The following IPCEF1 variants were observed in gnomAD, a reference collection of about 807,000 sequenced individuals.
The protein encoded by IPCEF1 is interactor protein for cytohesin exchange factors 1.
In IPCEF1, 31 loss-of-function variants were observed where a neutral mutation model predicts 50.9. The ratio of observed to expected loss-of-function variants is 0.61; its 90% CI spans 0.46 to 0.82. The LOEUF is 0.82. IPCEF1 is among the 40% of genes least tolerant of loss of function. The pLI, the probability that IPCEF1 is intolerant of heterozygous loss-of-function variation, is 0.00. For missense variants in IPCEF1, 458 were observed against 514.0 expected, an observed-to-expected ratio of 0.89 and a Z score of 1.05; for synonymous variants, 181 against 192.0, an observed-to-expected ratio of 0.94 and a Z score of 0.47.
chr6:154,181,486 A>G (rs1800863167), intron 10 of IPCEF1, among the ~76,000 whole-genome samples: 1 of 152,264 alleles, frequency 6.6e-6, no homozygotes, highest in Non-Finnish European at 1.5e-5. Context: ...TTAAATTTAC[A>G]TAGCTATACT....
chr6:154,321,715 C>T (rs113802842), intron 1 of IPCEF1, among the ~76,000 whole-genome samples: 10,117 of 143,524 alleles, frequency 0.07, 689 homozygotes, highest in East Asian at 0.34. Context: ...GGGAGGCAGA[C>T]GCTGCAGTGA....
Position 154,168,959 on chromosome 6 carries a change from G to A in IPCEF1, c.911-846C>T, listed in dbSNP as rs1025460541. ...TCAACCCATACATAGTCCACCCTCC[G>A]GCCTCCTAAATTCATGTGTTTCTCA... On this transcript the variant is annotated intron_variant, in intron 10 of 11. Transcript: ENST00000367220. This position sits in a 1 kb window ranked among gnomAD's most constrained non-coding sequence, Gnocchi z 4.1. Among the ~76,000 whole-genome samples, 8 of 151,762 alleles carry A rather than the reference G, an allele frequency of 5.3e-5. No individual in the cohort carries two copies. The highest frequency in any genetic ancestry group is 1.9e-4 in the East Asian group (1 of 5,144).
intron 10 of IPCEF1, among the ~76,000 whole-genome samples, chr6:154,178,226 C>T (rs141303813): frequency 0.041 from 6,280 of 152,108 alleles, 429 homozygotes; most frequent in African/African-American, 0.14. Flanking sequence ...CACCATGGCA[C>T]ATGTATACCT....
chr6:154,248,788 T>C (rs1039705718), intron 3 of IPCEF1, among the ~76,000 whole-genome samples: 14 of 152,138 alleles, frequency 9.2e-5, no homozygotes, highest in African/African-American at 2.4e-4. Flanking sequence ...CTATAGGTCT[T>C]ATAAAGATTT....
intron 9 of IPCEF1, among the ~76,000 whole-genome samples, chr6:154,211,143 GCGGTGGCTCA>G (rs1777924210): frequency 6.6e-6 from 1 of 152,132 alleles, no homozygotes. Flanking sequence ...CTGGCTGGGT[GCGGTGGCTCA>G]CGCTTGTAAT....
At chr6:154,256,878 T>A (rs1781474848) in intron 3 of IPCEF1, among the ~76,000 whole-genome samples, 1 of 152,214 alleles carries the variant, frequency 6.6e-6, no homozygotes, top group South Asian at 2.1e-4. Flanking sequence ...CATGGTATGA[T>A]ACCTTCACAT....
At chr6:154,355,787 C>A (rs1438600383) in intron 1 of IPCEF1, among the ~76,000 whole-genome samples, 2 of 151,798 alleles carry the variant, frequency 1.3e-5, no homozygotes, top group East Asian at 3.9e-4. Flanking sequence ...CCGCACCCGG[C>A]ATTCTATTTT....
intron 1 of IPCEF1, among the ~76,000 whole-genome samples, chr6:154,293,569 G>A (rs978935093): frequency 2.6e-5 from 4 of 152,190 alleles, no homozygotes; most frequent in Non-Finnish European, 5.9e-5. Flanking sequence ...TGAATAATGA[G>A]TGTGATATTA....
At chr6:154,222,589 T>C (rs1169313495) in intron 6 of IPCEF1, among the ~76,000 whole-genome samples, 1 of 152,124 alleles carries the variant, frequency 6.6e-6, no homozygotes, top group African/African-American at 2.4e-5. Context: ...GCTCATGAGA[T>C]CTAAGCAGGT....
intron 1 of IPCEF1, among the ~76,000 whole-genome samples, chr6:154,294,581 A>C (rs894763606): frequency 6.6e-6 from 1 of 152,112 alleles, no homozygotes; most frequent in Non-Finnish European, 1.5e-5. Context: ...ATTTCACACC[A>C]TTTGCAGAGC....
At chr6:154,302,833 A>G (rs150241023) in intron 1 of IPCEF1, among the ~76,000 whole-genome samples, 1 of 152,260 alleles carries the variant, frequency 6.6e-6, no homozygotes, top group Non-Finnish European at 1.5e-5. Flanking sequence ...GGTGCTTGTA[A>G]GGATTAAATG....
chr6:154,177,760 A>G (rs1322542061), intron 10 of IPCEF1, among the ~76,000 whole-genome samples: 2 of 152,196 alleles, frequency 1.3e-5, no homozygotes, highest in Non-Finnish European at 2.9e-5. Context: ...AACTAGAAAT[A>G]CCATTTGAGC....
chr6:154,207,480 G>C (rs6900677), intron 9 of IPCEF1, among the ~76,000 whole-genome samples: 8,312 of 152,184 alleles, frequency 0.055, 315 homozygotes, highest in East Asian at 0.2. Context: ...GTAGACAACT[G>C]TTCAAGATAT....
intron 9 of IPCEF1, among the ~76,000 whole-genome samples, chr6:154,202,660 C>A (rs1777165315): frequency 6.6e-6 from 1 of 152,208 alleles, no homozygotes; most frequent in Non-Finnish European, 1.5e-5. Context: ...TGCTACAGGA[C>A]TGTCTGTAAG....
rs185848805 is a variant in IPCEF1, at chr6:154,311,812, G to A, written c.-61-22056C>T. On this transcript the variant is annotated intron_variant, in intron 1 of 11. Transcript: ENST00000367220. The stretch of plus-strand genomic sequence containing the variant: ...AGATAACAAGTGTTGGTGAAGATGC[G>A]TAGAAAAGGGAACTCTTGTGTGTAG... 2.4e-3 allele frequency among the ~76,000 whole-genome samples: 360 copies of A among 152,308 alleles called. 1 individual carries two copies. Among genetic ancestry groups the A allele is most frequent in the African/African-American group, 8.1e-3 (336 of 41,566 alleles).
At chr6:154,170,428 A>G (rs541519289) in intron 10 of IPCEF1, among the ~76,000 whole-genome samples, 77 of 152,358 alleles carry the variant, frequency 5.1e-4, no homozygotes, top group African/African-American at 1.8e-3. Context: ...CTCCTCTACG[A>G]TTAGAAACCT....
chr6:154,239,696 T>G (rs1780420161), intron 5 of IPCEF1, among the ~76,000 whole-genome samples: 1 of 144,550 alleles, frequency 6.9e-6, no homozygotes, highest in Non-Finnish European at 1.5e-5. Context: ...GTTTGAATTG[T>G]CTTCACTGAA....
intron 10 of IPCEF1, among the ~76,000 whole-genome samples, chr6:154,172,867 C>T (rs9479776): frequency 0.078 from 11,938 of 152,294 alleles, 629 homozygotes; most frequent in African/African-American, 0.14. Flanking sequence ...CAAGTGGGTC[C>T]CTGACCCTCA....
chr6:154,214,498 T>G (rs1778227683), intron 7 of IPCEF1, among the ~76,000 whole-genome samples: 1 of 152,222 alleles, frequency 6.6e-6, no homozygotes, highest in Non-Finnish European at 1.5e-5. Flanking sequence ...GGTGGCCCAT[T>G]ACTCAGTTGG....
Sources: allele counts gnomAD v4.1 joint callset (sites outside exome capture counted in the v4.1 genomes callset), GRCh38; gene constraint gnomAD v4.1.1; non-coding constraint Gnocchi (gnomAD v3.1); transcripts MANE v1.5; gene names NCBI Gene and HGNC (gene_info 2026-07-23, HGNC 2026-07-21).